Variants in DIP2B observed in about 807,000 individuals in gnomAD.
DIP2B encodes the protein disco-interacting protein 2 homolog B.
Under a neutral mutation model 198.0 loss-of-function variants are expected in DIP2B, and 76 were observed. That is an observed-to-expected ratio of 0.38 (90% CI 0.32 to 0.46). The LOEUF (loss-of-function observed/expected upper bound fraction) is 0.46, where lower values mean the gene tolerates loss of function less well. Ranked by LOEUF, DIP2B falls within the 20% of genes least tolerant of loss-of-function variation. The probability of loss-of-function intolerance (pLI) is 0.99; values close to 1 mark genes in which losing one functional copy is unlikely to be tolerated. For synonymous variants in DIP2B, 701 were observed against 739.1 expected (o/e 0.95, Z 0.84); for missense variants, 1,559 against 1,978.4 (o/e 0.79, Z 4.02).
At chr12:50,718,522 C>T (rs1013665894) in intron 23 of DIP2B, among the ~76,000 whole-genome samples, 187 bp from the exon 24 acceptor site, 12 of 152,152 alleles carry the variant, frequency 7.9e-5, no homozygotes. Flanking sequence ...GTATGTATTT[C>T]TTGGTTACCC....
At chr12:50,703,594 G>A (rs182969102) in intron 19 of DIP2B, among the ~76,000 whole-genome samples, 9 of 152,270 alleles carry the variant, frequency 5.9e-5, no homozygotes, top group Admixed American at 5.9e-4. Context: ...ACTTGTTTCT[G>A]CAAATCTTTT....
chr12:50,640,950 TA>T (rs1342233384), intron 3 of DIP2B, 98 bp downstream of exon 3: 1 of 1,415,554 alleles, frequency 7.1e-7, no homozygotes, highest in Non-Finnish European at 9.4e-7. Flanking sequence ...TTTTTTTCCC[TA>T]TGAGGCACCA....
intron 1 of DIP2B, among the ~76,000 whole-genome samples, chr12:50,540,634 C>T (rs1025722628): frequency 4.6e-5 from 7 of 150,846 alleles, no homozygotes; most frequent in Non-Finnish European, 7.4e-5. Context: ...CTGCAAGCTC[C>T]GCCTCCCGGA....
At position 50,739,525 on chromosome 12, in the gene DIP2B, C is replaced by T. The variant is rs766151346; in HGVS notation, c.4293C>T (p.Leu1431=). 2 of 1,614,204 alleles carry T rather than the reference C, an allele frequency of 1.2e-6. No individual in the cohort carries two copies. The highest frequency in any genetic ancestry group is 2.2e-5 in the South Asian group (2 of 91,084). Residue 1431 remains leucine (L), a synonymous_variant, in exon 36 of 38, where the codon CTC becomes CTT. Coordinates refer to ENST00000301180, the MANE Select transcript of DIP2B (RefSeq NM_173602.3). ...RLSFGDAAQT[L]WARTGYLGFV... ...GCTTTGGAGATGCAGCTCAGACACT[C>T]TGGGCTCGGACAGGATACCTTGGTT... is the stretch of plus-strand genomic sequence containing the variant.
chr12:50,551,424 G>GA (rs1011705284), intron 1 of DIP2B, among the ~76,000 whole-genome samples: 2 of 152,042 alleles, frequency 1.3e-5, no homozygotes, highest in African/African-American at 4.8e-5. Context: ...CTCCATCTCA[G>GA]AAAAAAATCT....
intron 1 of DIP2B, among the ~76,000 whole-genome samples, chr12:50,602,342 C>T (rs1166176013): frequency 6.6e-6 from 1 of 152,078 alleles, no homozygotes; most frequent in Non-Finnish European, 1.5e-5. Flanking sequence ...GATCTTGGCT[C>T]ACTGCAGTCT....
intron 3 of DIP2B, among the ~76,000 whole-genome samples, chr12:50,650,423 T>G (rs563699226): frequency 6.6e-6 from 1 of 152,314 alleles, no homozygotes; most frequent in African/African-American, 2.4e-5. Context: ...CTCTAGAACT[T>G]CTTCATCTTG....
chr12:50,541,288 T>G (rs570359136), intron 1 of DIP2B, among the ~76,000 whole-genome samples: 1 of 152,228 alleles, frequency 6.6e-6, no homozygotes, highest in South Asian at 2.1e-4. Context: ...TTTTTAAGCT[T>G]CTTTTATTTA....
chr12:50,624,333 C>A (rs1967576), intron 1 of DIP2B, among the ~76,000 whole-genome samples: 48,402 of 151,872 alleles, frequency 0.32, 7,890 homozygotes, highest in South Asian at 0.39. Flanking sequence ...ACCCTACTTT[C>A]TTTCTTTCTT....
intron 1 of DIP2B, among the ~76,000 whole-genome samples, chr12:50,544,679 G>A (rs1409745013): frequency 1.4e-5 from 2 of 147,402 alleles, no homozygotes; most frequent in East Asian, 2.0e-4. Context: ...GTGCAATGGC[G>A]TGATCTCAGT....
intron 1 of DIP2B, among the ~76,000 whole-genome samples, chr12:50,536,244 G>A (rs1334191894): frequency 6.6e-6 from 1 of 151,430 alleles, no homozygotes; most frequent in African/African-American, 2.4e-5. Context: ...AGGCAACAAA[G>A]TGAGACCTTA....
intron 1 of DIP2B, among the ~76,000 whole-genome samples, chr12:50,602,491 A>G (rs531370655): frequency 6.6e-5 from 10 of 152,216 alleles, no homozygotes; most frequent in African/African-American, 2.4e-4. Flanking sequence ...TCCTGAGCTC[A>G]AGTGATCCAC....
At chr12:50,629,121 A>G (rs1286057361) in intron 2 of DIP2B, among the ~76,000 whole-genome samples, 1 of 152,082 alleles carries the variant, frequency 6.6e-6, no homozygotes, top group Non-Finnish European at 1.5e-5. Flanking sequence ...AGCTTAAGCA[A>G]TCCACCCGTC....
At chr12:50,698,909 A>G (rs1565874934) in intron 18 of DIP2B, among the ~76,000 whole-genome samples, 157 bp from the exon 19 acceptor site, 2 of 152,160 alleles carry the variant, frequency 1.3e-5, no homozygotes, top group Non-Finnish European at 2.9e-5. Flanking sequence ...AAATATACCT[A>G]TGTAGTTTCA....
At chr12:50,725,849 C>T (rs1372555209) in intron 28 of DIP2B, among the ~76,000 whole-genome samples, 1 of 150,894 alleles carries the variant, frequency 6.6e-6, no homozygotes, top group Non-Finnish European at 1.5e-5. Context: ...TAATGTCCTC[C>T]CTACCCTTTT....
At chr12:50,557,104 C>T (rs1958478381) in intron 1 of DIP2B, among the ~76,000 whole-genome samples, 1 of 152,144 alleles carries the variant, frequency 6.6e-6, no homozygotes, top group South Asian at 2.1e-4. Context: ...GCCTCCGCTT[C>T]CCAAAGTGCT....
chr12:50,623,712 A>G (rs777235114), intron 1 of DIP2B, among the ~76,000 whole-genome samples: 3 of 152,150 alleles, frequency 2.0e-5, no homozygotes, highest in South Asian at 4.1e-4. Context: ...CACGTAATGT[A>G]TTACATCTCC....
At chr12:50,507,340 A>G (rs1593560787) in intron 1 of DIP2B, among the ~76,000 whole-genome samples, 2 of 152,326 alleles carry the variant, frequency 1.3e-5, no homozygotes, top group African/African-American at 4.8e-5. Flanking sequence ...TTTCTTGCTT[A>G]AAGTACAGGG....
chr12:50,520,269 C>G (rs1181615446), intron 1 of DIP2B, among the ~76,000 whole-genome samples: 3 of 152,158 alleles, frequency 2.0e-5, no homozygotes, highest in Non-Finnish European at 4.4e-5. Context: ...AACTCGTGAC[C>G]TCGTGATCTG....
Sources: allele counts gnomAD v4.1 joint callset (sites outside exome capture counted in the v4.1 genomes callset), GRCh38; gene constraint gnomAD v4.1.1; transcripts MANE v1.5; gene names NCBI Gene and HGNC (gene_info 2026-07-23, HGNC 2026-07-21).